AFAP1: variants seen among roughly 807,000 people sequenced by gnomAD.
AFAP1 encodes actin filament associated protein 1.
AFAP1 carries 75 observed loss-of-function variants against 93.9 expected under a neutral mutation model. The ratio of observed to expected loss-of-function variants is 0.80; its 90% CI spans 0.66 to 0.97. The LOEUF is 0.97. AFAP1 is among the 50% of genes least tolerant of loss of function. The pLI is 0.00. For missense variants in AFAP1, 1,201 were observed against 1,050.8 expected (o/e 1.14, Z -1.98); for synonymous variants, 517 against 430.7 (o/e 1.20, Z -2.48).
In AFAP1 at chr4:7,763,783, T is replaced by C. The variant is rs1714141879; in HGVS notation, c.2427A>G (p.Glu809=). 6.4e-7 allele frequency: 1 copy of C among 1,551,654 alleles called. No individual in the cohort carries two copies. The highest frequency in any genetic ancestry group is 8.7e-7 in the Non-Finnish European group (1 of 1,146,928). The change falls in exon 18 of 18, where the codon GAA becomes GAG. Residue 809 remains glutamate, a synonymous_variant. Coordinates refer to ENST00000420658, the MANE Select transcript of AFAP1 (RefSeq NM_001134647.2). ...GHVLRKAKEW[E]LKNGT is the part of the protein sequence containing the mutation. ...CTGTCCCCTAGGTCCCGTTCTTCAA[T>C]TCCCATTCCTAGAGGAAAGGAGAGT...
At chr4:7,855,730 G>A (rs148400749) in intron 3 of AFAP1, among the ~76,000 whole-genome samples, 156 bp from the exon 4 acceptor site, 1 of 152,338 alleles carries the variant, frequency 6.6e-6, no homozygotes, top group Admixed American at 6.5e-5. Context: ...TGGAAGGCCA[G>A]CCCTGATGTG....
At chr4:7,886,491 T>G (rs1421660623) in intron 1 of AFAP1, among the ~76,000 whole-genome samples, 1 of 152,238 alleles carries the variant, frequency 6.6e-6, no homozygotes. Context: ...AAAAGGGATC[T>G]GTGCATGTGT....
chr4:7,822,512 C>T (rs1044187678), intron 6 of AFAP1, among the ~76,000 whole-genome samples: 1 of 152,060 alleles, frequency 6.6e-6, no homozygotes, highest in Non-Finnish European at 1.5e-5. Context: ...TAAAACATAA[C>T]CTGCCAAAAC....
chr4:7,808,412 T>G (rs151324654), intron 9 of AFAP1, among the ~76,000 whole-genome samples: 1 of 152,234 alleles, frequency 6.6e-6, no homozygotes, highest in East Asian at 1.9e-4. Flanking sequence ...TACATACATG[T>G]TTCTGTGGTA....
In AFAP1 at chr4:7,772,911, G is replaced by T. The variant is rs138253331; in HGVS notation, c.2162C>A (p.Thr721Lys). Residue 721 changes from threonine to lysine, a missense_variant, in exon 16 of 18, where the codon ACG (threonine) becomes AAG (lysine). Thr to Lys is a moderately conservative substitution (Grantham distance 78). Transcript: ENST00000420658. Reference sequence around the variant, plus strand: ...TTTCTTCAGGCTCTCCTTGACCTCCGTCAGCTCCAGCTCCAGGCTGACACG... The same window carrying T: ...TTTCTTCAGGCTCTCCTTGACCTCCTTCAGCTCCAGCTCCAGGCTGACACG... ...AERVSLELEL[T>K]EVKESLKKAL... The T allele has an allele frequency of 1.9e-6, 3 of 1,613,946 alleles. No individual in the cohort carries two copies. Among genetic ancestry groups the T allele is most frequent in the African/African-American group, 2.7e-5 (2 of 74,936 alleles).
At chr4:7,840,849 T>C (rs187617689) in intron 5 of AFAP1, among the ~76,000 whole-genome samples, 11 of 152,222 alleles carry the variant, frequency 7.2e-5, no homozygotes, top group Non-Finnish European at 1.6e-4. Flanking sequence ...TTTTTGATTT[T>C]AAATTGTGTA....
At chr4:7,829,047 C>A (rs1272073269) in intron 6 of AFAP1, among the ~76,000 whole-genome samples, 1 of 152,184 alleles carries the variant, frequency 6.6e-6, no homozygotes, top group African/African-American at 2.4e-5. Flanking sequence ...AAGGGGCTTT[C>A]CCCTCTTTTG....
chr4:7,809,063 GTT>G (rs10707304), intron 9 of AFAP1, among the ~76,000 whole-genome samples: 36 of 148,912 alleles, frequency 2.4e-4, no homozygotes, highest in African/African-American at 4.7e-4. Context: ...TTTTGTTTTT[GTT>G]TTTTTTTTTT....
rs370390902 is a variant in AFAP1 at position 7,800,536 on chromosome 4, G to A, written c.1172C>T (p.Pro391Leu). 50 of 1,614,062 alleles carry A rather than the reference G, an allele frequency of 3.1e-5. No homozygotes were observed. The highest frequency in any genetic ancestry group is 8.0e-5 in the African/African-American group (6 of 74,912). ...TDLKTHIVSI[P>L]LRGCEVIPGL... is the part of the protein sequence containing the mutation. ...CGGGATCACCTCGCAGCCACGGAGCGGAATAGACACAATATGGGTCTTCAG... is the reference window on the plus strand; with the variant it reads ...CGGGATCACCTCGCAGCCACGGAGCAGAATAGACACAATATGGGTCTTCAG... Residue 391 changes from proline (P) to leucine (L), a missense_variant, in exon 10 of 18, where the codon CCG becomes CTG. Transcript: ENST00000420658.
chr4:7,893,111 G>T (rs889170746), intron 1 of AFAP1, among the ~76,000 whole-genome samples: 2 of 152,148 alleles, frequency 1.3e-5, no homozygotes, highest in African/African-American at 2.4e-5. Context: ...AAACCACCCC[G>T]TTTCTCCTGG....
chr4:7,931,814 T>G (rs1266483118), intron 1 of AFAP1, among the ~76,000 whole-genome samples: 1 of 152,326 alleles, frequency 6.6e-6, no homozygotes, highest in Non-Finnish European at 1.5e-5. Context: ...GAGGAGTTCA[T>G]AAATTTCTGA....
rs879453592 is a variant in AFAP1 at position 7,890,536 on chromosome 4, G to C, written c.-2-18456C>G. On this transcript the variant is annotated intron_variant, in intron 1 of 17. Coordinates refer to ENST00000420658, the MANE Select transcript of AFAP1 (RefSeq NM_001134647.2). ...ATAAATTGAACTTTTTAATCTTTAA[G>C]AAAATCAGAAGAAAATATCTGCAAT... Among the ~76,000 whole-genome samples the C allele has an allele frequency of 7.9e-5, 12 of 152,196 alleles. No individual in the cohort carries two copies. In the East Asian group the frequency reaches 1.7e-3, roughly 22 times the overall value.
chr4:7,915,047 C>G (rs1022619568), intron 1 of AFAP1, among the ~76,000 whole-genome samples: 2 of 152,124 alleles, frequency 1.3e-5, no homozygotes, highest in Non-Finnish European at 1.5e-5. Context: ...ACCGACCCAG[C>G]TAATTTTTGT....
At chr4:7,793,995 C>T (rs1457951424) in intron 10 of AFAP1, among the ~76,000 whole-genome samples, 169 bp from the exon 11 acceptor site, 2 of 152,172 alleles carry the variant, frequency 1.3e-5, no homozygotes, top group African/African-American at 4.8e-5. Context: ...ACGTTCGCAG[C>T]AGGCCTTAAT....
At chr4:7,774,957 T>C (rs1160861526) in intron 14 of AFAP1, 54 bp from the exon 15 acceptor site, 1 of 1,583,206 alleles carries the variant, frequency 6.3e-7, no homozygotes, top group Non-Finnish European at 8.6e-7. Context: ...GCCTGGGAAA[T>C]ATGGGACGAT....
intron 6 of AFAP1, among the ~76,000 whole-genome samples, chr4:7,837,292 CA>C (rs920323756): frequency 6.6e-6 from 1 of 152,154 alleles, no homozygotes; most frequent in African/African-American, 2.4e-5. Context: ...TCCTAACCCT[CA>C]AGAGGATGGT....
At chr4:7,843,372 T>C in intron 4 of AFAP1, 22 bp from the exon 5 acceptor site, 1 of 1,591,928 alleles carries the variant, frequency 6.3e-7, no homozygotes, top group Non-Finnish European at 8.6e-7. Context: ...AAACATACAC[T>C]GGTAAAAAGG....
intron 17 of AFAP1, among the ~76,000 whole-genome samples, chr4:7,765,610 T>G (rs1375960165): frequency 6.6e-6 from 1 of 152,178 alleles, no homozygotes; most frequent in East Asian, 1.9e-4. Context: ...GAAATGGGGT[T>G]TGGCCATGGG....
chr4:7,903,652 C>T (rs1719240452), intron 1 of AFAP1, among the ~76,000 whole-genome samples: 1 of 152,254 alleles, frequency 6.6e-6, no homozygotes, highest in African/African-American at 2.4e-5. Flanking sequence ...GCACTCCAGC[C>T]TGGGTGACAC....
Sources: gnomAD v4.1 joint callset for allele counts (sites outside exome capture counted in the v4.1 genomes callset) on GRCh38, gnomAD v4.1.1 for gene constraint, MANE v1.5 for transcripts, NCBI Gene and HGNC (gene_info 2026-07-23, HGNC 2026-07-21) for gene names.